Variants in SNTB2 observed in about 807,000 individuals in gnomAD.
The protein encoded by SNTB2 is beta-2-syntrophin.
SNTB2 carries 34 observed loss-of-function variants against 46.2 expected under a neutral mutation model. That is an observed-to-expected ratio of 0.74 (90% confidence interval 0.56 to 0.98). The LOEUF is 0.98. Ranked by LOEUF, SNTB2 falls within the 50% of genes least tolerant of loss-of-function variation. The pLI, the probability that SNTB2 is intolerant of heterozygous loss-of-function variation, is 0.00. For missense variants in SNTB2, 603 were observed against 731.4 expected, an observed-to-expected ratio of 0.82 and a Z score of 2.02; for synonymous variants, 290 against 312.6, an observed-to-expected ratio of 0.93 and a Z score of 0.76.
chr16:69,284,465 A>G (rs1208870167), intron 5 of SNTB2, among the ~76,000 whole-genome samples: 3,098 of 93,490 alleles, frequency 0.033, 409 homozygotes, highest in African/African-American at 0.1. Context: ...TTACTAAAAA[A>G]AAAAAAAAAA....
At chr16:69,224,709 G>C (rs544043039) in intron 1 of SNTB2, among the ~76,000 whole-genome samples, 1 of 152,038 alleles carries the variant, frequency 6.6e-6, no homozygotes. Flanking sequence ...GAAAGAGCTG[G>C]CCCTTCTCCT....
chr16:69,191,526 C>T (rs373159652), intron 1 of SNTB2, among the ~76,000 whole-genome samples: 1 of 116,122 alleles, frequency 8.6e-6, no homozygotes, highest in Non-Finnish European at 1.8e-5. Flanking sequence ...CCACTGTACT[C>T]CAGCCTGGAC....
At chr16:69,243,122 A>C (rs911995343) in intron 1 of SNTB2, among the ~76,000 whole-genome samples, 1 of 152,142 alleles carries the variant, frequency 6.6e-6, no homozygotes, top group Admixed American at 6.6e-5. Context: ...TGTTTAATTA[A>C]ATTATTTTGA....
chr16:69,274,391 C>T (rs986579462), intron 4 of SNTB2, among the ~76,000 whole-genome samples: 10 of 151,672 alleles, frequency 6.6e-5, no homozygotes, highest in African/African-American at 9.7e-5. Context: ...TGGTGGCTCA[C>T]GCCTGTAATC....
intron 5 of SNTB2, among the ~76,000 whole-genome samples, chr16:69,284,890 C>G (rs1372550925): frequency 1.3e-5 from 2 of 152,000 alleles, no homozygotes; most frequent in Admixed American, 1.3e-4. Flanking sequence ...CCTGGGCAAC[C>G]AGAGTGAGAC....
rs987277513 is a variant in SNTB2, at chr16:69,307,674, C to A, written c.*6750C>A. On this transcript the variant is annotated 3_prime_UTR_variant, in exon 7 of 7. Coordinates refer to ENST00000336278, the MANE Select transcript of SNTB2 (RefSeq NM_006750.4). ...GAATATTTCTCCATTAATGATAGATCAAAATGAAGATATTTAAAAATTAAC... is the reference window on the plus strand; with the variant it reads ...GAATATTTCTCCATTAATGATAGATAAAAATGAAGATATTTAAAAATTAAC... 6.6e-6 allele frequency: 1 copy of A among 150,804 alleles called. No homozygotes were observed. Among genetic ancestry groups the A allele is most frequent in the East Asian group, 1.9e-4 (1 of 5,136 alleles). The allele number at this position is 150,804 out of a possible 1,614,324, so 9.3% of individuals were successfully genotyped here.
chr16:69,240,953 C>T (rs112113281), intron 1 of SNTB2: 7,646 of 151,990 alleles, frequency 0.05, 262 homozygotes, highest in Non-Finnish European at 0.072. Context: ...CTCTGCCTCC[C>T]GGGTTCAAGC....
At chr16:69,265,561 G>A (rs2143105282) in intron 3 of SNTB2, among the ~76,000 whole-genome samples, 1 of 152,194 alleles carries the variant, frequency 6.6e-6, no homozygotes, top group South Asian at 2.1e-4. Context: ...CGGAGTGGTG[G>A]CTCACACCTG....
At chr16:69,263,501 C>T (rs1293174009) in intron 3 of SNTB2, among the ~76,000 whole-genome samples, 1 of 151,146 alleles carries the variant, frequency 6.6e-6, no homozygotes. Flanking sequence ...TCACTACTAT[C>T]TCCGCCTCCC....
intron 4 of SNTB2, among the ~76,000 whole-genome samples, chr16:69,282,677 T>G (rs757620648): frequency 1.2e-5 from 1 of 86,610 alleles, no homozygotes; most frequent in Non-Finnish European, 2.6e-5. Flanking sequence ...GTAGATCACC[T>G]AAAAGAGAAC....
chr16:69,241,880 G>C (rs570608064), intron 1 of SNTB2: 1 of 132,860 alleles, frequency 7.5e-6, no homozygotes, highest in Non-Finnish European at 1.5e-5. Context: ...AGTGAGCTGA[G>C]ATCATGCCAC....
At chr16:69,268,623 G>A (rs1050361028) in intron 3 of SNTB2, among the ~76,000 whole-genome samples, 2 of 152,130 alleles carry the variant, frequency 1.3e-5, no homozygotes, top group African/African-American at 4.8e-5. Flanking sequence ...CTAGCACTCT[G>A]GGAGACCGAG....
At chr16:69,281,233 A>AT (rs766538644) in intron 4 of SNTB2, among the ~76,000 whole-genome samples, 3,932 of 140,852 alleles carry the variant, frequency 0.028, 144 homozygotes, top group African/African-American at 0.086. Context: ...TATGTTATAG[A>AT]TTTTTTTTTT....
At chr16:69,260,864 A>T (rs1352618457) in intron 3 of SNTB2, among the ~76,000 whole-genome samples, 1 of 152,188 alleles carries the variant, frequency 6.6e-6, no homozygotes. Context: ...CAGAGGTACA[A>T]TTGTCTTCCA....
intron 4 of SNTB2, among the ~76,000 whole-genome samples, chr16:69,277,480 C>T (rs889884173): frequency 6.6e-6 from 1 of 152,104 alleles, no homozygotes; most frequent in South Asian, 2.1e-4. Flanking sequence ...TCAAGGGAAA[C>T]CAGTTGATTT....
chr16:69,290,727 A>G lies in SNTB2; in HGVS notation c.1345+6483A>G, dbSNP rs193208053. Among the ~76,000 whole-genome samples, 23 of 152,330 alleles carry G rather than the reference A, an allele frequency of 1.5e-4. No homozygotes were observed. The East Asian group carries it at 1.5e-3, about 10-fold the overall frequency. On this transcript the variant is annotated intron_variant, in intron 5 of 6. Coordinates refer to ENST00000336278, the MANE Select transcript of SNTB2 (RefSeq NM_006750.4). ...ATAATAGGTATGTATCAGGATTGTC[A>G]TAAGGCATAAATGAAATACAGGCAT...
chr16:69,205,958 G>A (rs969525921), intron 1 of SNTB2, among the ~76,000 whole-genome samples: 7 of 152,172 alleles, frequency 4.6e-5, no homozygotes, highest in Non-Finnish European at 8.8e-5. Flanking sequence ...TTGTTAGGAA[G>A]TGATGGGAAT....
intron 1 of SNTB2, among the ~76,000 whole-genome samples, chr16:69,219,664 C>T (rs1479089210): frequency 6.6e-6 from 1 of 152,084 alleles, no homozygotes; most frequent in South Asian, 2.1e-4. Context: ...TTGTAAATTT[C>T]TTCAATTATT....
intron 5 of SNTB2, among the ~76,000 whole-genome samples, chr16:69,296,595 G>T (rs769336225): frequency 6.6e-6 from 1 of 151,126 alleles, no homozygotes; most frequent in African/African-American, 2.4e-5. Context: ...GGTGGCACAT[G>T]CCTGTAATCC....
Sources: gnomAD v4.1 joint callset for allele counts (sites outside exome capture counted in the v4.1 genomes callset) on GRCh38, gnomAD v4.1.1 for gene constraint, MANE v1.5 for transcripts, NCBI Gene and HGNC (gene_info 2026-07-23, HGNC 2026-07-21) for gene names.